The following LRRC69 variants were observed in gnomAD, a reference collection of about 807,000 sequenced individuals.
LRRC69 encodes the protein leucine rich repeat containing 69.
In LRRC69, 42 loss-of-function variants were observed where a neutral mutation model predicts 37.8. The ratio of observed to expected loss-of-function variants is 1.11; its 90% CI spans 0.87 to 1.44. LRRC69 has a LOEUF of 1.44. Among genes scored for constraint, LRRC69 ranks in the 40% most tolerant of loss-of-function variants. The probability of loss-of-function intolerance (pLI) is 0.00; values close to 1 mark genes in which losing one functional copy is unlikely to be tolerated. For missense variants in LRRC69, 357 were observed against 401.9 expected, an observed-to-expected ratio of 0.89 and a Z score of 0.96; for synonymous variants, 141 against 143.1, an observed-to-expected ratio of 0.99 and a Z score of 0.11.
chr8:91,212,840 G>C (rs1809955638), intron 7 of LRRC69, among the ~76,000 whole-genome samples: 1 of 152,080 alleles, frequency 6.6e-6, no homozygotes. Context: ...ATATTAAAAT[G>C]GATATATATT....
exon 1 of LRRC69, chr8:91,102,743 A>C: frequency 6.4e-7 from 1 of 1,551,930 alleles, no homozygotes; most frequent in Non-Finnish European, 8.7e-7. Flanking sequence ...GAAGATGACA[A>C]AGATGCCCTC....
chr8:91,103,479 A>G (rs1813256772), intron 1 of LRRC69, among the ~76,000 whole-genome samples: 2 of 152,170 alleles, frequency 1.3e-5, no homozygotes, highest in East Asian at 3.9e-4. Flanking sequence ...CTGCCTAACA[A>G]TGTGAAACTC....
At chr8:91,114,066 C>A (rs1813462522) in intron 1 of LRRC69, among the ~76,000 whole-genome samples, 2 of 149,224 alleles carry the variant, frequency 1.3e-5, no homozygotes, top group African/African-American at 4.9e-5. Context: ...AAAAGGTACT[C>A]AACTTCACTA....
intron 6 of LRRC69, among the ~76,000 whole-genome samples, chr8:91,195,999 T>A (rs1313677450): frequency 1.3e-5 from 2 of 152,234 alleles, no homozygotes; most frequent in Non-Finnish European, 2.9e-5. Context: ...TTCCTTTCCA[T>A]GTTTAGCGCT....
intron 5 of LRRC69, among the ~76,000 whole-genome samples, chr8:91,168,469 A>G (rs1809067725): frequency 6.6e-6 from 1 of 151,914 alleles, no homozygotes; most frequent in Non-Finnish European, 1.5e-5. Context: ...GATTTCCAGG[A>G]AAGCTTTTGT....
intron 3 of LRRC69, among the ~76,000 whole-genome samples, chr8:91,128,167 G>A (rs1347845755): frequency 6.6e-6 from 1 of 151,946 alleles, no homozygotes; most frequent in Non-Finnish European, 1.5e-5. Flanking sequence ...CATGAATGAG[G>A]TTCAGGGCAT....
At chr8:91,125,762 T>G (rs1229331514) in intron 2 of LRRC69, among the ~76,000 whole-genome samples, 3 of 151,774 alleles carry the variant, frequency 2.0e-5, no homozygotes, top group Non-Finnish European at 2.9e-5. Context: ...TTGAGGTAAG[T>G]TAGGTATATA....
At chr8:91,103,081 C>T (rs1419918093) in intron 1 of LRRC69, among the ~76,000 whole-genome samples, 1 of 152,096 alleles carries the variant, frequency 6.6e-6, no homozygotes, top group Admixed American at 6.6e-5. Context: ...CATCTGGAGT[C>T]AGGGGACTAG....
At chr8:91,159,242 C>CTT (rs1808892080) in intron 5 of LRRC69, among the ~76,000 whole-genome samples, 1 of 151,190 alleles carries the variant, frequency 6.6e-6, no homozygotes, top group South Asian at 2.1e-4. Context: ...TGACACAAAT[C>CTT]TGAGTTTTGT....
intron 5 of LRRC69, among the ~76,000 whole-genome samples, chr8:91,163,895 A>G (rs929858099): frequency 6.6e-6 from 1 of 151,432 alleles, no homozygotes; most frequent in Non-Finnish European, 1.5e-5. Context: ...CAAAGTTCTT[A>G]GAGGATAATG....
chr8:91,143,328 T>C (rs1375121445), intron 5 of LRRC69, among the ~76,000 whole-genome samples: 2 of 152,104 alleles, frequency 1.3e-5, no homozygotes, highest in African/African-American at 4.8e-5. Flanking sequence ...GCTAAAACAT[T>C]TACAAGGATA....
intron 7 of LRRC69, among the ~76,000 whole-genome samples, chr8:91,216,888 A>G (rs1342615754): frequency 6.6e-6 from 1 of 152,136 alleles, no homozygotes; most frequent in Non-Finnish European, 1.5e-5. Flanking sequence ...TGTTTCCCCA[A>G]TACAATGTGC....
At chr8:91,105,719 G>A (rs1813301347) in intron 1 of LRRC69, among the ~76,000 whole-genome samples, 1 of 151,036 alleles carries the variant, frequency 6.6e-6, no homozygotes, top group Non-Finnish European at 1.5e-5. Flanking sequence ...ACAGCTTAGA[G>A]AATTGAAAAG....
exon 2 of LRRC69, chr8:91,124,553 C>G: frequency 1.3e-6 from 2 of 1,534,616 alleles, no homozygotes; most frequent in Non-Finnish European, 1.8e-6. Context: ...GATGAAATAT[C>G]TTACATCTCT....
chr8:91,136,785 G>C (rs1388009707), intron 5 of LRRC69, among the ~76,000 whole-genome samples: 3 of 151,910 alleles, frequency 2.0e-5, no homozygotes, highest in Admixed American at 2.0e-4. Flanking sequence ...AGGTACTCTA[G>C]GTACCAGATA....
intron 5 of LRRC69, among the ~76,000 whole-genome samples, chr8:91,141,113 A>G (rs1056689652): frequency 6.6e-6 from 1 of 152,086 alleles, no homozygotes; most frequent in Non-Finnish European, 1.5e-5. Flanking sequence ...TTTTATTTGT[A>G]TCTGTCTTTC....
chr8:91,187,049 A>G (rs1242665880), intron 5 of LRRC69, among the ~76,000 whole-genome samples: 1 of 152,222 alleles, frequency 6.6e-6, no homozygotes, highest in African/African-American at 2.4e-5. Flanking sequence ...GGCAGTTGAC[A>G]CAGACATCTT....
At chr8:91,118,287 T>A in intron 1 of LRRC69, 2 of 436,934 alleles carry the variant, frequency 4.6e-6, no homozygotes, top group East Asian at 7.5e-5. Context: ...GGCGGATCAC[T>A]TGAAACCAGG....
At chr8:91,190,288 A>C (rs1586275204) in intron 6 of LRRC69, among the ~76,000 whole-genome samples, 1 of 151,870 alleles carries the variant, frequency 6.6e-6, no homozygotes, top group East Asian at 1.9e-4. Context: ...TTTTAATTAA[A>C]TTATTGTATG....
Sources: allele counts gnomAD v4.1 joint callset (sites outside exome capture counted in the v4.1 genomes callset), GRCh38; gene constraint gnomAD v4.1.1; transcripts MANE v1.5; gene names NCBI Gene and HGNC (gene_info 2026-07-23, HGNC 2026-07-21).